The following RANBP2 variants were observed in gnomAD, a reference collection of about 807,000 sequenced individuals.
RANBP2 encodes the protein RAN binding protein 2, also known as E3 SUMO-protein ligase RanBP2.
A neutral mutation model predicts 303.6 loss-of-function variants in RANBP2; 57 were observed. That is an observed-to-expected ratio of 0.19 (90% CI 0.15 to 0.23). The LOEUF is 0.23. Ranked by LOEUF, RANBP2 falls within the 10% of genes least tolerant of loss-of-function variation. The pLI is 1.00. For synonymous variants in RANBP2, 1,167 were observed against 1,301.5 expected, an observed-to-expected ratio of 0.90 and a Z score of 2.23; for missense variants, 3,138 against 3,780.8, an observed-to-expected ratio of 0.83 and a Z score of 4.46.
At chr2:109,370,745 C>T in the RANBP2 span, among the ~76,000 whole-genome samples, 1 of 152,168 alleles carries the variant, frequency 6.6e-6, no homozygotes, top group South Asian at 2.1e-4. Flanking sequence ...TCAACCCCCC[C>T]GAAAGCCCGC....
At position 108,782,347 on chromosome 2, in the gene RANBP2, A is replaced by G. The variant is rs1212618471; in HGVS notation, c.8980A>G (p.Lys2994Glu). The G allele has an allele frequency of 6.2e-7, 1 of 1,614,170 alleles. No homozygotes were observed. The highest frequency in any genetic ancestry group is 8.5e-7 in the Non-Finnish European group (1 of 1,180,016). ...NHVITKTMEL[K>E]PLNVSNNALV... ...CGTTATTACTAAAACAATGGAATTA[A>G]AGCCCTTAAATGTTTCAAATAATGC... The change falls in exon 27 of 29, where the codon AAG (lysine) becomes GAG (glutamate). Residue 2994 changes from lysine (K) to glutamate (E), a missense_variant. This residue lies in a region of RANBP2 where 204 missense variants were observed against 228.4 expected (regional missense o/e 0.89). Transcript: ENST00000283195.
At chr2:108,793,830 C>T in the RANBP2 span, among the ~76,000 whole-genome samples, 1 of 151,892 alleles carries the variant, frequency 6.6e-6, no homozygotes, top group Non-Finnish European at 1.5e-5. Flanking sequence ...TCTCAATCTC[C>T]TGACCTCATG....
chr2:108,834,666 T>C, the RANBP2 span, among the ~76,000 whole-genome samples: 1 of 152,224 alleles, frequency 6.6e-6, no homozygotes, highest in Non-Finnish European at 1.5e-5. Flanking sequence ...TTAAGTATAT[T>C]CCCAATGCTG....
At chr2:109,128,963 C>G in the RANBP2 span, 1 of 420,008 alleles carries the variant, frequency 2.4e-6, no homozygotes, top group African/African-American at 2.1e-5. Context: ...GTGACCGTGA[C>G]CTCCGCGCGC....
chr2:109,127,253 T>A, the RANBP2 span: 1 of 151,802 alleles, frequency 6.6e-6, no homozygotes, highest in Non-Finnish European at 1.5e-5. Flanking sequence ...GATACTAAGA[T>A]CTGCCTTCAA....
At chr2:108,938,503 C>T in the RANBP2 span, among the ~76,000 whole-genome samples, 1 of 152,156 alleles carries the variant, frequency 6.6e-6, no homozygotes, top group Non-Finnish European at 1.5e-5. Context: ...AATAACGTGG[C>T]TTGCAAATAT....
chr2:109,647,370 G>C, the RANBP2 span, among the ~76,000 whole-genome samples: 1 of 151,860 alleles, frequency 6.6e-6, no homozygotes, highest in African/African-American at 2.4e-5. Flanking sequence ...CACCGTGTTG[G>C]CCAAGATGGT....
At chr2:108,836,310 C>T in the RANBP2 span, among the ~76,000 whole-genome samples, 1 of 152,240 alleles carries the variant, frequency 6.6e-6, no homozygotes, top group South Asian at 2.1e-4. Flanking sequence ...CCATAAGGTT[C>T]GTCCATGTTG....
At chr2:109,693,406 G>T in the RANBP2 span, among the ~76,000 whole-genome samples, 1 of 152,040 alleles carries the variant, frequency 6.6e-6, no homozygotes, top group Non-Finnish European at 1.5e-5. Flanking sequence ...TGATCCACCC[G>T]CTTCGGCCTC....
chr2:108,842,670 A>T, the RANBP2 span, among the ~76,000 whole-genome samples: 3 of 152,054 alleles, frequency 2.0e-5, no homozygotes, highest in Non-Finnish European at 2.9e-5. Context: ...ATTAGGGAGG[A>T]GTTGTCTAAG....
In RANBP2 at chr2:108,758,476, G is replaced by A; in HGVS notation, c.2530G>A (p.Glu844Lys). ...AGCATCCCCTCATCGTTGGCCCACA[G>A]AGAATTATGGACCAGACTCAGTGCC... is the stretch of plus-strand genomic sequence containing the variant. ...NSASPHRWPT[E>K]NYGPDSVPDG... Residue 844 changes from glutamate to lysine, a missense_variant, in exon 18 of 29, where the codon GAG (glutamate) becomes AAG (lysine). This residue lies in a region of RANBP2 where 194 missense variants were observed against 197.4 expected (regional missense o/e 0.98). Coordinates refer to ENST00000283195, the MANE Select transcript of RANBP2 (RefSeq NM_006267.5). 6.2e-7 allele frequency: 1 copy of A among 1,611,528 alleles called. No individual in the cohort carries two copies. Among genetic ancestry groups the A allele is most frequent in the East Asian group, 2.2e-5 (1 of 44,858 alleles).
At chr2:109,313,984 G>C in the RANBP2 span, among the ~76,000 whole-genome samples, 2 of 152,184 alleles carry the variant, frequency 1.3e-5, no homozygotes, top group Non-Finnish European at 2.9e-5. Context: ...CTTTGGAACT[G>C]GGAGGAAAGT....
At chr2:108,831,266 T>C in the RANBP2 span, among the ~76,000 whole-genome samples, 1 of 152,258 alleles carries the variant, frequency 6.6e-6, no homozygotes, top group East Asian at 1.9e-4. Context: ...CACCTGATGA[T>C]CTTAAACGTT....
the RANBP2 span, among the ~76,000 whole-genome samples, chr2:109,730,288 CTCT>C: frequency 6.6e-6 from 1 of 152,114 alleles, no homozygotes; most frequent in Non-Finnish European, 1.5e-5. Flanking sequence ...TTGAATAAAC[CTCT>C]TGCTGATCTG....
chr2:109,546,277 G>A, the RANBP2 span: 6 of 1,359,102 alleles, frequency 4.4e-6, no homozygotes, highest in South Asian at 4.6e-5. Flanking sequence ...GACACAGCGC[G>A]GCAGCAGAGG....
At chr2:109,098,699 T>TA in the RANBP2 span, among the ~76,000 whole-genome samples, 1 of 152,234 alleles carries the variant, frequency 6.6e-6, no homozygotes, top group South Asian at 2.1e-4. Flanking sequence ...ACCTTGAAGT[T>TA]AAATGTACTG....
chr2:109,646,663 T>A, the RANBP2 span, among the ~76,000 whole-genome samples: 2 of 147,514 alleles, frequency 1.4e-5, no homozygotes, highest in African/African-American at 2.5e-5. Flanking sequence ...GGCTATTTTT[T>A]TTTTTTTTTT....
At chr2:109,335,899 T>C in the RANBP2 span, among the ~76,000 whole-genome samples, 1 of 152,308 alleles carries the variant, frequency 6.6e-6, no homozygotes, top group East Asian at 1.9e-4. Flanking sequence ...GTGAAAGATG[T>C]ATTTATGAAT....
the RANBP2 span, among the ~76,000 whole-genome samples, chr2:109,114,784 C>G: frequency 6.6e-6 from 1 of 152,198 alleles, no homozygotes; most frequent in African/African-American, 2.4e-5. Context: ...CTATAAATTT[C>G]CCTCTACACA....
Sources: gnomAD v4.1 joint callset for allele counts (sites outside exome capture counted in the v4.1 genomes callset) on GRCh38, gnomAD v4.1.1 for gene constraint, gnomAD v4.1.1 regional missense constraint, MANE v1.5 for transcripts, NCBI Gene and HGNC (gene_info 2026-07-23, HGNC 2026-07-21) for gene names.